The following DGKI variants were observed in gnomAD, a reference collection of about 807,000 sequenced individuals.
The protein encoded by DGKI is DAG kinase iota.
Under a neutral mutation model 147.5 loss-of-function variants are expected in DGKI, and 55 were observed. The observed-to-expected ratio is 0.37, with a 90% CI of 0.30 to 0.47. The LOEUF is 0.47. DGKI is among the 20% of genes least tolerant of loss of function. The pLI is 1.00. For synonymous variants in DGKI, 469 were observed against 477.1 expected (o/e 0.98, Z 0.22); for missense variants, 1,007 against 1,323.8 (o/e 0.76, Z 3.71).
chr7:137,469,337 G>A (rs1814789204), intron 24 of DGKI, among the ~76,000 whole-genome samples: 2 of 152,208 alleles, frequency 1.3e-5, no homozygotes, highest in Non-Finnish European at 2.9e-5. Flanking sequence ...TTCAGCCAGA[G>A]TTAACCAAGC....
At chr7:137,791,117 C>T (rs1242754797) in intron 1 of DGKI, among the ~76,000 whole-genome samples, 1 of 152,196 alleles carries the variant, frequency 6.6e-6, no homozygotes, top group Non-Finnish European at 1.5e-5. Flanking sequence ...TCAGTACTCA[C>T]AAACCTCCTC....
intron 1 of DGKI, among the ~76,000 whole-genome samples, chr7:137,818,811 G>A (rs1190287674): frequency 6.6e-6 from 1 of 152,108 alleles, no homozygotes; most frequent in Non-Finnish European, 1.5e-5. Flanking sequence ...CAAAAACTCA[G>A]GAAAAACTCA....
At chr7:137,629,170 A>G (rs1249707611) in intron 6 of DGKI, among the ~76,000 whole-genome samples, 1 of 152,196 alleles carries the variant, frequency 6.6e-6, no homozygotes, top group Non-Finnish European at 1.5e-5. Flanking sequence ...GTTAATATTT[A>G]TCTTAAAACA....
intron 1 of DGKI, among the ~76,000 whole-genome samples, chr7:137,817,968 T>G (rs1202454400): frequency 6.6e-6 from 1 of 152,248 alleles, no homozygotes; most frequent in Non-Finnish European, 1.5e-5. Flanking sequence ...TTGCTCCATA[T>G]TTTGAATATT....
intron 6 of DGKI, among the ~76,000 whole-genome samples, chr7:137,638,606 A>ATATGTG (rs1821481308): frequency 3.3e-4 from 1 of 3,074 alleles, no homozygotes; most frequent in African/African-American, 1.7e-3. Flanking sequence ...ATATATGTAT[A>ATATGTG]TATATACACA....
At chr7:137,679,921 G>A (rs1823173277) in intron 2 of DGKI, among the ~76,000 whole-genome samples, 5 of 150,132 alleles carry the variant, frequency 3.3e-5, no homozygotes, top group Non-Finnish European at 1.5e-5. Flanking sequence ...AACCTGGGAG[G>A]TGGAGGCTGC....
intron 1 of DGKI, among the ~76,000 whole-genome samples, chr7:137,753,018 G>C (rs1271663269): frequency 6.8e-6 from 1 of 147,554 alleles, no homozygotes; most frequent in Non-Finnish European, 1.5e-5. Flanking sequence ...CGTGTTACTA[G>C]TGCATGCTAG....
intron 21 of DGKI, among the ~76,000 whole-genome samples, chr7:137,500,959 G>C (rs999999483): frequency 8.6e-5 from 13 of 151,932 alleles, no homozygotes; most frequent in African/African-American, 3.1e-4. Context: ...GAACCATAAA[G>C]GTTATTTATT....
chr7:137,404,703 G>C (rs929924088), intron 30 of DGKI, among the ~76,000 whole-genome samples: 1 of 152,134 alleles, frequency 6.6e-6, no homozygotes, highest in African/African-American at 2.4e-5. Context: ...CTTCTCGTGA[G>C]CATAAATATT....
At chr7:137,555,015 C>T (rs1259371269) in intron 19 of DGKI, among the ~76,000 whole-genome samples, 1 of 144,766 alleles carries the variant, frequency 6.9e-6, no homozygotes, top group Admixed American at 7.1e-5. Context: ...CTCCCGGGTT[C>T]AAGTGATTCC....
chr7:137,831,427 G>A (rs1798217776), intron 1 of DGKI, among the ~76,000 whole-genome samples: 1 of 152,182 alleles, frequency 6.6e-6, no homozygotes, highest in Non-Finnish European at 1.5e-5. Context: ...CAGACGGCAA[G>A]GAGGAACTAG....
In DGKI at chr7:137,485,427, A is replaced by G; in HGVS notation, c.2329-9T>C. The G allele has an allele frequency of 6.3e-7, 1 of 1,598,586 alleles. No homozygotes were observed. The highest frequency in any genetic ancestry group is 8.5e-7 in the Non-Finnish European group (1 of 1,172,590). On this transcript the variant is annotated splice_polypyrimidine_tract_variant and intron_variant, in intron 22 of 32. Transcript: ENST00000614521. Reference sequence around the variant, plus strand: ...GAAACTGACTGTAGGTCCTAATGAGAAAATGAAAAAAAAAATCCATACCTT... The same window carrying G: ...GAAACTGACTGTAGGTCCTAATGAGGAAATGAAAAAAAAAATCCATACCTT...
intron 20 of DGKI, among the ~76,000 whole-genome samples, chr7:137,538,361 A>C (rs1023274454): frequency 2.6e-5 from 4 of 152,240 alleles, no homozygotes; most frequent in South Asian, 2.1e-4. Flanking sequence ...CCTTACCAAG[A>C]AGTCTTCATT....
intron 1 of DGKI, among the ~76,000 whole-genome samples, chr7:137,797,019 A>C (rs1797055324): frequency 6.6e-6 from 1 of 152,228 alleles, no homozygotes; most frequent in African/African-American, 2.4e-5. Context: ...TAATATAGTT[A>C]AACTGTCAAA....
intron 1 of DGKI, among the ~76,000 whole-genome samples, chr7:137,838,919 T>TTGTCTGTA (rs1318206058): frequency 1.3e-5 from 2 of 152,192 alleles, no homozygotes; most frequent in African/African-American, 4.8e-5. Context: ...CAGCCGGCCA[T>TTGTCTGTA]TGTCTGTATG....
intron 12 of DGKI, 152 bp downstream of exon 12, chr7:137,597,695 C>G (rs1819844890): frequency 1.5e-6 from 1 of 686,378 alleles, no homozygotes; most frequent in African/African-American, 1.8e-5. Flanking sequence ...ATAACAAAGT[C>G]CCTTGTTACT....
chr7:137,447,875 T>G (rs192320215), intron 27 of DGKI, among the ~76,000 whole-genome samples: 2 of 152,260 alleles, frequency 1.3e-5, no homozygotes, highest in Admixed American at 1.3e-4. Context: ...ACTGAAAAAC[T>G]TCCATGTTAG....
chr7:137,468,240 T>C (rs1814738437), intron 24 of DGKI, among the ~76,000 whole-genome samples: 1 of 152,148 alleles, frequency 6.6e-6, no homozygotes, highest in Non-Finnish European at 1.5e-5. Context: ...AAAATCTGCC[T>C]TGGAGAAATT....
chr7:137,447,320 G>A (rs1813754937), intron 27 of DGKI, among the ~76,000 whole-genome samples: 1 of 151,690 alleles, frequency 6.6e-6, no homozygotes, highest in Non-Finnish European at 1.5e-5. Context: ...ACAATTTCAG[G>A]GAACTCATAA....
Sources: gnomAD v4.1 joint callset for allele counts (sites outside exome capture counted in the v4.1 genomes callset) on GRCh38, gnomAD v4.1.1 for gene constraint, MANE v1.5 for transcripts, NCBI Gene and HGNC (gene_info 2026-07-23, HGNC 2026-07-21) for gene names.